Variants in ZC3H18 observed in about 807,000 individuals in gnomAD.
ZC3H18 encodes zinc finger CCCH domain-containing protein 18.
ZC3H18 carries 8 observed loss-of-function variants against 106.1 expected under a neutral mutation model. That is an observed-to-expected ratio of 0.08 (90% confidence interval 0.04 to 0.14). The LOEUF (loss-of-function observed/expected upper bound fraction) is 0.14, where lower values mean the gene tolerates loss of function less well. Among genes scored for constraint, ZC3H18 ranks in the 10% least tolerant of loss-of-function variants. The pLI is 1.00. For missense variants in ZC3H18, 1,318 were observed against 1,278.4 expected (o/e 1.03, Z -0.47); for synonymous variants, 635 against 522.1 (o/e 1.22, Z -2.95).
intron 7 of ZC3H18, 36 bp from the exon 8 acceptor site, chr16:88,611,230 ACG>A (rs1905253147): frequency 1.4e-6 from 1 of 734,600 alleles, no homozygotes; most frequent in Non-Finnish European, 2.5e-6. Context: ...CACCCAAATA[ACG>A]CACGGTGTCC....
At chr16:88,593,021 G>T (rs546451662) in intron 3 of ZC3H18, among the ~76,000 whole-genome samples, 5 of 152,202 alleles carry the variant, frequency 3.3e-5, no homozygotes, top group African/African-American at 1.2e-4. Flanking sequence ...TAATTTATAA[G>T]TTACGCACAG....
intron 6 of ZC3H18, among the ~76,000 whole-genome samples, chr16:88,607,040 C>G (rs983902953): frequency 2.0e-5 from 3 of 152,158 alleles, no homozygotes; most frequent in Non-Finnish European, 4.4e-5. Flanking sequence ...AAAGGAGATG[C>G]AGAGTTGTGG....
At chr16:88,600,766 G>A (rs1318098162) in intron 6 of ZC3H18, among the ~76,000 whole-genome samples, 3 of 152,206 alleles carry the variant, frequency 2.0e-5, no homozygotes, top group Non-Finnish European at 2.9e-5. Context: ...TGCCTGGGTC[G>A]AAGGGTGGAA....
At chr16:88,591,231 A>G (rs535111214) in intron 3 of ZC3H18, among the ~76,000 whole-genome samples, 7 of 150,182 alleles carry the variant, frequency 4.7e-5, no homozygotes, top group African/African-American at 1.7e-4. Context: ...CGGCCTCCCA[A>G]AGTGCTGGGA....
At position 88,599,945 on chromosome 16, in the gene ZC3H18, C is replaced by T. The variant is rs1904658539; in HGVS notation, c.1085C>T (p.Thr362Ile). Residue 362 changes from threonine (T) to isoleucine (I), a missense_variant, in exon 6 of 18, where the codon ACA becomes ATA. Coordinates refer to ENST00000301011, the MANE Select transcript of ZC3H18 (RefSeq NM_144604.4). Reference protein sequence around the residue: ...NSRIPRDVRDTVLEPYADPYY... With the variant: ...NSRIPRDVRDIVLEPYADPYY... The stretch of plus-strand genomic sequence containing the variant: ...CGGATCCCGAGAGATGTCAGAGACA[C>T]AGTGTAAGGAATGGCCCTGCCTGCC... The T allele has an allele frequency of 6.2e-7, 1 of 1,613,794 alleles. No homozygotes were observed. The highest frequency in any genetic ancestry group is 1.1e-5 in the South Asian group (1 of 91,040).
In ZC3H18 at chr16:88,577,432, A is replaced by C; in HGVS notation, c.309A>C (p.Glu103Asp). 1 of 1,607,548 alleles carries C rather than the reference A, an allele frequency of 6.2e-7. No individual in the cohort carries two copies. Among genetic ancestry groups the C allele is most frequent in the South Asian group, 1.1e-5 (1 of 90,592 alleles). The stretch of plus-strand genomic sequence containing the variant: ...CCCCCTGCGAGGAGGAGGGGGACGA[A>C]GGGGAGGAAGACCGGACAAGCGACC... ...TSSPCEEEGDEGEEDRTSDLR... is the reference protein window; with the variant it reads ...TSSPCEEEGDDGEEDRTSDLR... Residue 103 changes from glutamate to aspartate, a missense_variant, in exon 2 of 18, where the codon GAA (glutamate) becomes GAC (aspartate). Coordinates refer to ENST00000301011, the MANE Select transcript of ZC3H18 (RefSeq NM_144604.4).
At chr16:88,629,957 T>C (rs140954973) in intron 16 of ZC3H18, among the ~76,000 whole-genome samples, 183 of 152,334 alleles carry the variant, frequency 1.2e-3, no homozygotes, top group African/African-American at 4.0e-3. Flanking sequence ...GCCTGTGCCC[T>C]GTGTGGCTGG....
In ZC3H18 at chr16:88,598,680, G is replaced by A; in HGVS notation, c.898G>A (p.Ala300Thr). The A allele has an allele frequency of 6.2e-7, 1 of 1,613,050 alleles. No individual in the cohort carries two copies. Among genetic ancestry groups the A allele is most frequent in the Non-Finnish European group, 8.5e-7 (1 of 1,179,504 alleles). ...PPPPEPPTES[A>T]WERGLRHAKE... is the part of the protein sequence containing the mutation. Reference sequence around the variant, plus strand: ...CCCTCCAGAGCCCCCAACAGAGAGTGCCTGGGAACGAGGACTCCGGCATGC... The same window carrying A: ...CCCTCCAGAGCCCCCAACAGAGAGTACCTGGGAACGAGGACTCCGGCATGC... Residue 300 changes from alanine (A) to threonine (T), a missense_variant, in exon 5 of 18, where the codon GCC becomes ACC. Coordinates refer to ENST00000301011, the MANE Select transcript of ZC3H18 (RefSeq NM_144604.4).
chr16:88,596,663 A>G (rs1303672130), intron 3 of ZC3H18, among the ~76,000 whole-genome samples: 5 of 152,060 alleles, frequency 3.3e-5, no homozygotes, highest in African/African-American at 1.2e-4. Flanking sequence ...AAAAAAAAGG[A>G]AAAGGAGTAC....
intron 8 of ZC3H18, among the ~76,000 whole-genome samples, chr16:88,616,591 T>G (rs1905622709): frequency 6.6e-6 from 1 of 152,220 alleles, no homozygotes; most frequent in Non-Finnish European, 1.5e-5. Flanking sequence ...TCCTGCTTCC[T>G]TCTCCCTTAT....
intron 15 of ZC3H18, among the ~76,000 whole-genome samples, chr16:88,628,333 C>G (rs893553720): frequency 1.3e-5 from 2 of 152,030 alleles, no homozygotes; most frequent in African/African-American, 4.8e-5. Flanking sequence ...CTGCTGGCCT[C>G]TCTCTGAACA....
At position 88,577,341 on chromosome 16, in the gene ZC3H18, C is replaced by G; in HGVS notation, c.218C>G (p.Ala73Gly). ...AATCACTCCGACGAGGAGGACCGGG[C>G]AAGTGAGCCTAAATCCCAAGACCAG... ...EDNHSDEEDRASEPKSQDQDS... is the reference protein window; with the variant it reads ...EDNHSDEEDRGSEPKSQDQDS... Residue 73 changes from alanine (A) to glycine (G), a missense_variant, in exon 2 of 18, where the codon GCA (alanine) becomes GGA (glycine). Around this residue, in one of 6 missense-constraint regions of ZC3H18, gnomAD observed 346 missense variants for 269.0 expected, o/e 1.29. Coordinates refer to ENST00000301011, the MANE Select transcript of ZC3H18 (RefSeq NM_144604.4). The G allele has an allele frequency of 1.9e-6, 3 of 1,604,282 alleles. No homozygotes were observed. The highest frequency in any genetic ancestry group is 1.1e-5 in the South Asian group (1 of 89,700).
chr16:88,624,710 G>A lies in ZC3H18; in HGVS notation c.2007G>A (p.Arg669=). 2 of 1,613,554 alleles carry A rather than the reference G, an allele frequency of 1.2e-6. No homozygotes were observed. Among genetic ancestry groups the A allele is most frequent in the Non-Finnish European group, 8.5e-7 (1 of 1,179,892 alleles). Residue 669 remains arginine (R), a synonymous_variant, in exon 12 of 18, where the codon AGG becomes AGA. Transcript: ENST00000301011. ...AGCCAGGAGACCCTCGGGAAGCCAG[G>A]AGGAAGGAGCGGCCAGCCAGGACCC... ...PTKPGDPREA[R]RKERPARTPP...
chr16:88,598,563 T>G, intron 4 of ZC3H18, 57 bp from the exon 5 acceptor site: 1 of 1,540,288 alleles, frequency 6.5e-7, no homozygotes, highest in South Asian at 1.2e-5. Context: ...CTGTCTGGTT[T>G]CTCTGTACAC....
At chr16:88,599,145 T>G (rs1447036177) in intron 5 of ZC3H18, among the ~76,000 whole-genome samples, 1 of 152,230 alleles carries the variant, frequency 6.6e-6, no homozygotes, top group Non-Finnish European at 1.5e-5. Flanking sequence ...CAGCTGGCAC[T>G]GCCCAGGAGC....
At chr16:88,607,700 G>A (rs1455600617) in intron 6 of ZC3H18, among the ~76,000 whole-genome samples, 1 of 151,538 alleles carries the variant, frequency 6.6e-6, no homozygotes, top group Non-Finnish European at 1.5e-5. Context: ...TGTCTCTCAG[G>A]CGTCTCCCCA....
At chr16:88,621,014 G>A (rs1465981631) in intron 8 of ZC3H18, among the ~76,000 whole-genome samples, 3 of 150,798 alleles carry the variant, frequency 2.0e-5, no homozygotes, top group South Asian at 2.1e-4. Context: ...TTACAGGCAC[G>A]TGTTACCACA....
rs1914318434 is a variant in ZC3H18, at chr16:88,570,501, G to T, written c.-80G>T. On this transcript the variant is annotated 5_prime_UTR_variant, in exon 1 of 18. Coordinates refer to ENST00000301011, the MANE Select transcript of ZC3H18 (RefSeq NM_144604.4). ...ACCTGTGAAGAGCGGAAGGGCCAAG[G>T]GACGTCTTCTCCACGCCGCTCCGAC... is the stretch of plus-strand genomic sequence containing the variant. 6.6e-6 allele frequency: 1 copy of T among 152,016 alleles called. No homozygotes were observed. Among genetic ancestry groups the T allele is most frequent in the African/African-American group, 2.4e-5 (1 of 41,386 alleles). 9.4% of individuals were successfully genotyped at this position (152,016 alleles called of 1,614,324 possible). A position where few individuals can be genotyped will look rare whatever the true frequency, so the allele number is the denominator to read the frequency against.
chr16:88,631,881 G>C lies in ZC3H18; in HGVS notation c.*582G>C. The C allele has an allele frequency of 3.4e-6, 1 of 294,158 alleles. No homozygotes were observed. The highest frequency in any genetic ancestry group is 6.6e-6 in the Non-Finnish European group (1 of 150,610). 18.2% of individuals were successfully genotyped at this position (294,158 alleles called of 1,614,324 possible). ...AAAAATACAGAAAAGACCAAAAAAA[G>C]GCCAAGGGTGTTGTTGGGGCGTCTG... On this transcript the variant is annotated 3_prime_UTR_variant, in exon 18 of 18. Coordinates refer to ENST00000301011, the MANE Select transcript of ZC3H18 (RefSeq NM_144604.4).
Sources: allele counts gnomAD v4.1 joint callset (sites outside exome capture counted in the v4.1 genomes callset), GRCh38; gene constraint gnomAD v4.1.1; regional missense constraint gnomAD v4.1.1; transcripts MANE v1.5; gene names NCBI Gene and HGNC (gene_info 2026-07-23, HGNC 2026-07-21).